Variants in IGSF5 observed in about 807,000 individuals in gnomAD.
IGSF5 encodes the protein immunoglobulin superfamily member 5, also known as immunoglobulin superfamily 5 like.
A neutral mutation model predicts 39.4 loss-of-function variants in IGSF5; 41 were observed. That is an observed-to-expected ratio of 1.04 (90% CI 0.81 to 1.35). IGSF5 has a LOEUF of 1.35. Among genes scored for constraint, IGSF5 ranks in the 40% most tolerant of loss-of-function variants. The pLI is 0.00. For synonymous variants in IGSF5, 183 were observed against 175.3 expected (o/e 1.04, Z -0.34); for missense variants, 487 against 494.6 (o/e 0.98, Z 0.15).
At chr21:39,756,285 A>G (rs911191536) in intron 2 of IGSF5, among the ~76,000 whole-genome samples, 3 of 152,236 alleles carry the variant, frequency 2.0e-5, no homozygotes, top group Admixed American at 6.5e-5. Flanking sequence ...GGGCCTGAGA[A>G]TCTTTGCTGT....
intron 4 of IGSF5, among the ~76,000 whole-genome samples, chr21:39,777,429 C>G (rs1246307814): frequency 8.5e-5 from 13 of 152,210 alleles, no homozygotes; most frequent in Non-Finnish European, 1.9e-4. Flanking sequence ...CAATGATATT[C>G]CAGGTGACGC....
chr21:39,744,728 T>G (rs990576198), upstream of IGSF5, among the ~76,000 whole-genome samples: 1 of 152,268 alleles, frequency 6.6e-6, no homozygotes, highest in African/African-American at 2.4e-5. Context: ...TTTGAGTTAG[T>G]AAGCTACCTC....
the IGSF5 span, among the ~76,000 whole-genome samples, chr21:39,722,848 T>G: frequency 6.6e-6 from 1 of 152,230 alleles, no homozygotes; most frequent in East Asian, 1.9e-4. Flanking sequence ...TTCTGATAAT[T>G]GCTCTTAAAG....
the IGSF5 span, among the ~76,000 whole-genome samples, chr21:39,726,560 C>T: frequency 5.3e-5 from 8 of 152,174 alleles, no homozygotes; most frequent in Admixed American, 4.6e-4. Flanking sequence ...AGGGTGGAGG[C>T]GGTGCATGCC....
chr21:39,714,299 T>C, the IGSF5 span, among the ~76,000 whole-genome samples: 1 of 152,252 alleles, frequency 6.6e-6, no homozygotes, highest in Admixed American at 6.5e-5. Context: ...GAAAAAGGGA[T>C]ATGATGGAAT....
intron 8 of IGSF5, among the ~76,000 whole-genome samples, chr21:39,800,662 G>T (rs1396640628): frequency 1.3e-5 from 2 of 152,166 alleles, no homozygotes; most frequent in Non-Finnish European, 2.9e-5. Context: ...TGCAGCTATT[G>T]TGCCCTGGAA....
At chr21:39,755,541 C>T (rs922974073) in intron 2 of IGSF5, among the ~76,000 whole-genome samples, 3 of 149,462 alleles carry the variant, frequency 2.0e-5, no homozygotes, top group Admixed American at 6.7e-5. Context: ...GAGCCAAGAT[C>T]GCACCATTGC....
At position 39,762,749 on chromosome 21, in the gene IGSF5, G is replaced by A. The variant is rs561049726; in HGVS notation, c.101-2786G>A. 3.3e-5 allele frequency among the ~76,000 whole-genome samples: 5 copies of A among 152,284 alleles called. No homozygotes were observed. The South Asian group carries it at 8.3e-4, about 25-fold the overall frequency. ...GTGATGCTATGCCAGAGTCAGGTTG[G>A]AAAGCAGCCCCCACTATATAGTGTT... On this transcript the variant is annotated intron_variant, in intron 2 of 8. Coordinates refer to ENST00000380588, the MANE Select transcript of IGSF5 (RefSeq NM_001080444.2).
the IGSF5 span, among the ~76,000 whole-genome samples, chr21:39,724,717 A>G: frequency 6.6e-6 from 1 of 152,210 alleles, no homozygotes; most frequent in Non-Finnish European, 1.5e-5. Flanking sequence ...ATGGACTAAT[A>G]CACTGGGTGA....
chr21:39,800,102 C>T (rs1279415711), intron 8 of IGSF5, among the ~76,000 whole-genome samples: 2 of 152,146 alleles, frequency 1.3e-5, no homozygotes, highest in Non-Finnish European at 2.9e-5. Context: ...GAAATTCCTA[C>T]TAAAATAACC....
chr21:39,795,165 A>C (rs1206769393), intron 8 of IGSF5, among the ~76,000 whole-genome samples: 1 of 152,088 alleles, frequency 6.6e-6, no homozygotes, highest in Non-Finnish European at 1.5e-5. Flanking sequence ...TGGAGAGGTA[A>C]TGTTTTTTCC....
At chr21:39,753,123 G>A (rs200013226) in intron 2 of IGSF5, among the ~76,000 whole-genome samples, 8 of 137,118 alleles carry the variant, frequency 5.8e-5, no homozygotes, top group African/African-American at 1.1e-4. Context: ...TTAGAGTTTT[G>A]GATCATAGAT....
chr21:39,717,637 G>C, the IGSF5 span, among the ~76,000 whole-genome samples: 5 of 152,194 alleles, frequency 3.3e-5, no homozygotes, highest in Non-Finnish European at 7.3e-5. Flanking sequence ...CTTTGTCAAA[G>C]ATCAGATGGT....
At chr21:39,726,699 T>C in the IGSF5 span, among the ~76,000 whole-genome samples, 18 of 152,208 alleles carry the variant, frequency 1.2e-4, no homozygotes, top group African/African-American at 4.3e-4. Context: ...GGAGGTGATT[T>C]TCCCTTACTG....
Position 39,766,212 on chromosome 21 carries a change from T to G in IGSF5, c.418+360T>G, listed in dbSNP as rs150855165. On this transcript the variant is annotated intron_variant, in intron 3 of 8. Coordinates refer to ENST00000380588, the MANE Select transcript of IGSF5 (RefSeq NM_001080444.2). ...TCTTTCCCTTTTTCCTGCTTCATTC[T>G]CTTTCTCCTTCCATCTTTGCTTTCC... 7.7e-4 allele frequency among the ~76,000 whole-genome samples: 117 copies of G among 152,310 alleles called. 1 individual carries two copies. Among genetic ancestry groups the G allele is most frequent in the Non-Finnish European group, 6.6e-4 (45 of 68,024 alleles).
chr21:39,801,675 A>T lies in IGSF5; in HGVS notation c.*318A>T. On this transcript the variant is annotated 3_prime_UTR_variant, in exon 9 of 9. Coordinates refer to ENST00000380588, the MANE Select transcript of IGSF5 (RefSeq NM_001080444.2). Reference sequence around the variant, plus strand: ...GTTAATCCAACAAATGGTAGATAAAAGTCTGTATTCTACCATGCCTTTCAA... The same window carrying T: ...GTTAATCCAACAAATGGTAGATAAATGTCTGTATTCTACCATGCCTTTCAA... The T allele has an allele frequency of 4.5e-6, 1 of 222,352 alleles. No individual in the cohort carries two copies. Among genetic ancestry groups the T allele is most frequent in the African/African-American group, 2.2e-5 (1 of 44,536 alleles). The allele number at this position is 222,352 out of a possible 1,614,324, so 13.8% of individuals were successfully genotyped here. A position where few individuals can be genotyped will look rare whatever the true frequency, so the allele number is the denominator to read the frequency against.
rs773501685 is a variant in IGSF5, at chr21:39,779,272, T to TGCC, written c.903_905dup (p.Arg302dup). 2.5e-6 allele frequency: 4 copies of TGCC among 1,612,658 alleles called. No individual in the cohort carries two copies. In the East Asian group the frequency reaches 8.9e-5, roughly 36 times the overall value. On this transcript the variant is annotated inframe_insertion, in exon 5 of 9. Coordinates refer to ENST00000380588, the MANE Select transcript of IGSF5 (RefSeq NM_001080444.2). ...TCGTTGTTGTGGCTGCAACTGCTGCTGCCGTTGTTGTTTCTGCTGTAGAAG... is the reference window on the plus strand; with the variant it reads ...TCGTTGTTGTGGCTGCAACTGCTGCTGCCGCCGTTGTTGTTTCTGCTGTAGAAG...
intron 2 of IGSF5, among the ~76,000 whole-genome samples, chr21:39,754,592 C>T (rs1477336381): frequency 6.6e-6 from 1 of 152,176 alleles, no homozygotes. Flanking sequence ...TGCCTCTCGT[C>T]AGGACAGGGA....
chr21:39,751,546 T>G (rs1265808365), intron 2 of IGSF5, among the ~76,000 whole-genome samples: 2 of 150,700 alleles, frequency 1.3e-5, no homozygotes, highest in East Asian at 4.0e-4. Flanking sequence ...TGGTTTCTAC[T>G]CAGTGAGTGT....
Sources: allele counts gnomAD v4.1 joint callset (sites outside exome capture counted in the v4.1 genomes callset), GRCh38; gene constraint gnomAD v4.1.1; transcripts MANE v1.5; gene names NCBI Gene and HGNC (gene_info 2026-07-23, HGNC 2026-07-21).